Variants in ANKRD42 observed in about 807,000 individuals in gnomAD.
ANKRD42 encodes the protein ankyrin repeat domain 42, also known as ankyrin repeat domain-containing protein 42.
ANKRD42 carries 43 observed loss-of-function variants against 51.5 expected under a neutral mutation model. That is an observed-to-expected ratio of 0.83 (90% CI 0.65 to 1.08). The LOEUF (loss-of-function observed/expected upper bound fraction) is 1.08, where lower values mean the gene tolerates loss of function less well. ANKRD42 is among the 50% of genes least tolerant of loss of function. ANKRD42 has a pLI of 0.00. For missense variants in ANKRD42, 608 were observed against 629.3 expected, an observed-to-expected ratio of 0.97 and a Z score of 0.36; for synonymous variants, 203 against 213.0, an observed-to-expected ratio of 0.95 and a Z score of 0.41.
At chr11:83,241,018 GACAAAT>G in intron 9 of ANKRD42, 84 bp downstream of exon 9, 4 of 1,397,004 alleles carry the variant, frequency 2.9e-6, no homozygotes, top group Non-Finnish European at 2.9e-6. Context: ...CTATTCTAAA[GACAAAT>G]ACTGCCTACA....
At chr11:83,195,307 G>T (rs1410824896) in intron 1 of ANKRD42, among the ~76,000 whole-genome samples, 1 of 152,136 alleles carries the variant, frequency 6.6e-6, no homozygotes, top group African/African-American at 2.4e-5. Flanking sequence ...AAGAAGACAG[G>T]CACATTCTTT....
chr11:83,198,323 C>G (rs1323486437), intron 1 of ANKRD42, among the ~76,000 whole-genome samples, 156 bp from the exon 2 acceptor site: 1 of 152,162 alleles, frequency 6.6e-6, no homozygotes. Flanking sequence ...AGTGTTGGAA[C>G]CAGAAGTCTG....
At chr11:83,210,279 T>C (rs1862259160) in intron 3 of ANKRD42, 21 bp from the exon 4 acceptor site, 22 of 1,610,518 alleles carry the variant, frequency 1.4e-5, no homozygotes, top group Non-Finnish European at 1.8e-5. Flanking sequence ...TGTAAAGTCT[T>C]TCCTATTTCT....
chr11:83,216,575 C>T (rs568374784), intron 5 of ANKRD42, among the ~76,000 whole-genome samples: 6 of 152,246 alleles, frequency 3.9e-5, no homozygotes, highest in East Asian at 3.9e-4. Context: ...CCGCCCGCCT[C>T]GGCCTCCCAA....
chr11:83,233,034 G>C (rs908256924), intron 7 of ANKRD42, among the ~76,000 whole-genome samples: 1 of 152,206 alleles, frequency 6.6e-6, no homozygotes, highest in Admixed American at 6.5e-5. Flanking sequence ...ATATTGGCTT[G>C]TAGTTTTATT....
chr11:83,202,560 A>T (rs936201742), intron 2 of ANKRD42, among the ~76,000 whole-genome samples: 1 of 152,128 alleles, frequency 6.6e-6, no homozygotes, highest in Non-Finnish European at 1.5e-5. Flanking sequence ...AATAGCATTG[A>T]ATCTATAAAT....
intron 8 of ANKRD42, among the ~76,000 whole-genome samples, chr11:83,239,807 G>A (rs982391260): frequency 6.6e-6 from 1 of 152,106 alleles, no homozygotes; most frequent in Non-Finnish European, 1.5e-5. Flanking sequence ...CATAATTTCT[G>A]GTCCACATTT....
chr11:83,245,250 A>G (rs952277379), intron 9 of ANKRD42, among the ~76,000 whole-genome samples: 9 of 152,214 alleles, frequency 5.9e-5, no homozygotes, highest in Non-Finnish European at 2.9e-5. Context: ...GTTAATAGTC[A>G]TAACAACCTG....
chr11:83,199,832 G>A (rs1021772038), intron 2 of ANKRD42, among the ~76,000 whole-genome samples: 3 of 152,112 alleles, frequency 2.0e-5, no homozygotes, highest in African/African-American at 4.8e-5. Context: ...AACCAAATCT[G>A]GTTCAGAGAC....
intron 6 of ANKRD42, 52 bp downstream of exon 6, chr11:83,225,107 GATAAT>G (rs1387981332): frequency 6.8e-6 from 10 of 1,460,134 alleles, no homozygotes; most frequent in Non-Finnish European, 9.4e-6. Flanking sequence ...TGATGATGAT[GATAAT>G]ATAATGAGTA....
chr11:83,220,749 CCAGA>C (rs1590986329), intron 5 of ANKRD42, among the ~76,000 whole-genome samples: 1 of 151,878 alleles, frequency 6.6e-6, no homozygotes, highest in African/African-American at 2.4e-5. Flanking sequence ...GTTTTTTTTG[CCAGA>C]CAAACTGGGG....
Position 83,248,273 on chromosome 11 carries a change from A to G in ANKRD42, c.*69A>G. ...GGAGATGATAACTTATACTTTCTAGAGCTGATGACAGGATTAAAGGAATAC... is the reference window on the plus strand; with the variant it reads ...GGAGATGATAACTTATACTTTCTAGGGCTGATGACAGGATTAAAGGAATAC... On this transcript the variant is annotated 3_prime_UTR_variant, in exon 11 of 11. Coordinates refer to ENST00000533342, the MANE Select transcript of ANKRD42 (RefSeq NM_001300975.2). The G allele has an allele frequency of 7.0e-7, 1 of 1,436,764 alleles. No homozygotes were observed. Among genetic ancestry groups the G allele is most frequent in the South Asian group, 1.5e-5 (1 of 66,528 alleles). 89.0% of individuals were successfully genotyped at this position (1,436,764 alleles called of 1,614,324 possible).
chr11:83,246,288 CTAT>C (rs1393956662), intron 10 of ANKRD42, among the ~76,000 whole-genome samples: 1 of 152,114 alleles, frequency 6.6e-6, no homozygotes, highest in Non-Finnish European at 1.5e-5. Flanking sequence ...TTGTATACTA[CTAT>C]AATAAGTAAT....
At chr11:83,215,170 T>C (rs188000964) in intron 5 of ANKRD42, 26 of 152,350 alleles carry the variant, frequency 1.7e-4, no homozygotes, top group Admixed American at 4.6e-4. Flanking sequence ...CTATTGTGAA[T>C]AGTGTGTTAA....
chr11:83,222,151 C>T (rs1862735618), intron 5 of ANKRD42, among the ~76,000 whole-genome samples: 1 of 152,112 alleles, frequency 6.6e-6, no homozygotes, highest in Non-Finnish European at 1.5e-5. Flanking sequence ...CCTGTCTCAT[C>T]CTCATATTTG....
chr11:83,211,495 T>C lies in ANKRD42; in HGVS notation c.586+65T>C, dbSNP rs1862316485. ...GTAAACTTTTAAATGTTTGATCTTG[T>C]TTAAGAAATTTAAACTGTTGGTTGA... is the stretch of plus-strand genomic sequence containing the variant. On this transcript the variant is annotated intron_variant, in intron 5 of 10. Coordinates refer to ENST00000533342, the MANE Select transcript of ANKRD42 (RefSeq NM_001300975.2). The C allele has an allele frequency of 4.5e-6, 7 of 1,546,574 alleles. No homozygotes were observed. In the South Asian group the frequency reaches 6.9e-5, roughly 15 times the overall value.
downstream of ANKRD42, chr11:83,259,433 CTT>C (rs1226171184): frequency 1.3e-5 from 2 of 152,150 alleles, no homozygotes; most frequent in South Asian, 2.1e-4. Flanking sequence ...ATACAAAGCA[CTT>C]TGTTTGCTAA....
At chr11:83,197,534 GATAA>G in intron 1 of ANKRD42, among the ~76,000 whole-genome samples, 1 of 152,320 alleles carries the variant, frequency 6.6e-6, no homozygotes, top group East Asian at 1.9e-4. Context: ...CATGTACATA[GATAA>G]ATAGTAGTAC....
rs11403803 is a variant in ANKRD42 at position 83,228,231 on chromosome 11, CTTTTTTTTTTTTTTTTTTTTTT to C, written c.913+376_913+397del. Among the ~76,000 whole-genome samples the C allele has an allele frequency of 8.5e-5, 5 of 59,024 alleles. 1 individual carries two copies. Among genetic ancestry groups the C allele is most frequent in the African/African-American group, 3.1e-4 (5 of 16,096 alleles). 38.7% of individuals were successfully genotyped at this position (59,024 alleles called of 152,430 possible). On this transcript the variant is annotated intron_variant, in intron 7 of 10. Coordinates refer to ENST00000533342, the MANE Select transcript of ANKRD42 (RefSeq NM_001300975.2). Reference sequence around the variant, plus strand: ...AAATAGAAATCATCCCTCTCTCTCTCTTTTTTTTTTTTTTTTTTTTTTTTTTTTTTTTTTTTTTAGACCGGGT... The same window carrying C: ...AAATAGAAATCATCCCTCTCTCTCTCTTTTTTTTTTTTTTTTAGACCGGGT...
Sources: allele counts gnomAD v4.1 joint callset (sites outside exome capture counted in the v4.1 genomes callset), GRCh38; gene constraint gnomAD v4.1.1; transcripts MANE v1.5; gene names NCBI Gene and HGNC (gene_info 2026-07-23, HGNC 2026-07-21).